The following SH3RF3 variants were observed in gnomAD, a reference collection of about 807,000 sequenced individuals.
SH3RF3 encodes E3 ubiquitin-protein ligase SH3RF3.
A neutral mutation model predicts 66.3 loss-of-function variants in SH3RF3; 29 were observed. That is an observed-to-expected ratio of 0.44 (90% CI 0.33 to 0.60). The LOEUF (loss-of-function observed/expected upper bound fraction) is 0.60. Ranked by LOEUF, SH3RF3 falls within the 20% of genes least tolerant of loss-of-function variation. The probability of loss-of-function intolerance (pLI) is 0.04; values close to 1 mark genes in which losing one functional copy is unlikely to be tolerated. For missense variants in SH3RF3, 1,194 were observed against 1,190.9 expected (o/e 1.00, Z -0.04); for synonymous variants, 583 against 532.0 (o/e 1.10, Z -1.32).
chr2:109,255,136 CTG>C (rs1052394814), intron 1 of SH3RF3, among the ~76,000 whole-genome samples: 1 of 152,058 alleles, frequency 6.6e-6, no homozygotes, highest in African/African-American at 2.4e-5. Context: ...GTGTGTGTGT[CTG>C]TGTGTGTACA....
At chr2:109,460,033 A>T (rs1305852415) in intron 8 of SH3RF3, among the ~76,000 whole-genome samples, 1 of 152,228 alleles carries the variant, frequency 6.6e-6, no homozygotes, top group African/African-American at 2.4e-5. Flanking sequence ...TCAAAAGGTC[A>T]TTCTACATTC....
intron 1 of SH3RF3, among the ~76,000 whole-genome samples, chr2:109,291,263 A>T (rs1220757558): frequency 6.6e-6 from 1 of 151,614 alleles, no homozygotes; most frequent in Non-Finnish European, 1.5e-5. Flanking sequence ...TTGGGAGAAA[A>T]AGAAACAGAG....
chr2:109,311,469 C>T (rs1341457455), intron 1 of SH3RF3, among the ~76,000 whole-genome samples: 19 of 148,494 alleles, frequency 1.3e-4, no homozygotes, highest in African/African-American at 4.8e-4. Flanking sequence ...TCCTATTCAA[C>T]ATAGTGTTGG....
chr2:109,341,815 C>A (rs941260160), intron 1 of SH3RF3, among the ~76,000 whole-genome samples: 1 of 152,200 alleles, frequency 6.6e-6, no homozygotes, highest in African/African-American at 2.4e-5. Context: ...CACTTGCATT[C>A]TGTGGACAGA....
At chr2:109,215,083 C>A (rs1574508699) in intron 1 of SH3RF3, among the ~76,000 whole-genome samples, 1 of 152,274 alleles carries the variant, frequency 6.6e-6, no homozygotes, top group Admixed American at 6.5e-5. Flanking sequence ...AGCGTTAAAC[C>A]TTCAGTGGGA....
chr2:109,283,778 GCT>G (rs529673105), intron 1 of SH3RF3, among the ~76,000 whole-genome samples: 83 of 152,330 alleles, frequency 5.4e-4, no homozygotes, highest in African/African-American at 2.0e-3. Context: ...TTTGAACTTG[GCT>G]CTCTGCCTGG....
chr2:109,213,491 TGCAGGGAGCC>T (rs1679039730), intron 1 of SH3RF3, among the ~76,000 whole-genome samples: 1 of 152,172 alleles, frequency 6.6e-6, no homozygotes, highest in African/African-American at 2.4e-5. Flanking sequence ...CCCCAGGATC[TGCAGGGAGCC>T]TGGAGAAGGG....
intron 8 of SH3RF3, among the ~76,000 whole-genome samples, chr2:109,473,835 T>G (rs2104736265): frequency 6.6e-6 from 1 of 151,894 alleles, no homozygotes; most frequent in South Asian, 2.1e-4. Flanking sequence ...GGCTGTCTCT[T>G]TTTTGGGGTG....
At chr2:109,326,046 A>C (rs1682146269) in intron 1 of SH3RF3, among the ~76,000 whole-genome samples, 1 of 152,260 alleles carries the variant, frequency 6.6e-6, no homozygotes, top group Admixed American at 6.5e-5. Context: ...GGAGACCTAG[A>C]GGCCCTCCAG....
At chr2:109,216,784 A>G (rs1035921103) in intron 1 of SH3RF3, among the ~76,000 whole-genome samples, 12 of 152,250 alleles carry the variant, frequency 7.9e-5, no homozygotes, top group African/African-American at 2.9e-4. Flanking sequence ...TTGTGGCAAA[A>G]TATACATAAC....
chr2:109,325,286 A>G (rs1405862620), intron 1 of SH3RF3, among the ~76,000 whole-genome samples: 1 of 147,488 alleles, frequency 6.8e-6, no homozygotes, highest in African/African-American at 2.5e-5. Context: ...CCCAGGAGTC[A>G]TTGGATTTCA....
At chr2:109,205,393 G>C (rs967927583) in intron 1 of SH3RF3, among the ~76,000 whole-genome samples, 4 of 151,826 alleles carry the variant, frequency 2.6e-5, no homozygotes, top group African/African-American at 9.7e-5. Flanking sequence ...GCATCACCAT[G>C]CCTAGATAAT....
intron 1 of SH3RF3, among the ~76,000 whole-genome samples, chr2:109,297,636 C>T (rs1373242967): frequency 6.6e-6 from 1 of 151,782 alleles, no homozygotes; most frequent in African/African-American, 2.4e-5. Flanking sequence ...AGGCCAGCCC[C>T]ATCCCACCAG....
intron 7 of SH3RF3, among the ~76,000 whole-genome samples, chr2:109,438,963 T>C (rs530333245): frequency 3.9e-5 from 6 of 152,174 alleles, no homozygotes; most frequent in African/African-American, 1.4e-4. Flanking sequence ...AAAGGGTGAG[T>C]GGCCCCACTC....
chr2:109,502,191 C>T lies in SH3RF3; in HGVS notation c.*520C>T, dbSNP rs1025159957. ...GCTCAGCAGGGGTGTTTGTGAGGCC[C>T]TGGGGGTGCCCCGGAAGGGGCACCC... On this transcript the variant is annotated 3_prime_UTR_variant, in exon 10 of 10. Transcript: ENST00000309415. 2.7e-5 allele frequency: 4 copies of T among 149,350 alleles called. No individual in the cohort carries two copies. The highest frequency in any genetic ancestry group is 6.7e-5 in the Admixed American group (1 of 14,886). The allele number at this position is 149,350 out of a possible 1,614,324, so 9.3% of individuals were successfully genotyped here.
intron 3 of SH3RF3, among the ~76,000 whole-genome samples, chr2:109,372,061 C>G (rs1161817622): frequency 6.6e-6 from 1 of 152,242 alleles, no homozygotes; most frequent in Non-Finnish European, 1.5e-5. Flanking sequence ...AGAACCCGTC[C>G]CAAGGCAGCA....
chr2:109,188,781 T>C (rs1013141327), intron 1 of SH3RF3, among the ~76,000 whole-genome samples: 2 of 152,162 alleles, frequency 1.3e-5, no homozygotes, highest in Non-Finnish European at 2.9e-5. Flanking sequence ...CGTTACACTT[T>C]GGTTATTTAT....
In SH3RF3 at chr2:109,449,279, G is replaced by A. The variant is rs376657151; in HGVS notation, c.1938G>A (p.Ser646=). Residue 646 remains serine, a synonymous_variant, in exon 8 of 10, where the codon TCG becomes TCA. Coordinates refer to ENST00000309415, the MANE Select transcript of SH3RF3 (RefSeq NM_001099289.3). The part of the protein sequence containing the change: ...RLPATSLRPH[S]VVSPQHSHQP... The stretch of plus-strand genomic sequence containing the variant: ...CTGCCACCAGCCTCAGGCCCCACTC[G>A]GTGGTGTCCCCGCAGCACAGCCACC... 93 of 1,610,522 alleles carry A rather than the reference G, an allele frequency of 5.8e-5. No homozygotes were observed. The highest frequency in any genetic ancestry group is 4.2e-4 in the Admixed American group (25 of 59,554).
At chr2:109,429,747 C>T (rs1375411202) in intron 5 of SH3RF3, among the ~76,000 whole-genome samples, 5 of 152,190 alleles carry the variant, frequency 3.3e-5, no homozygotes, top group African/African-American at 4.8e-5. Context: ...GCTTTTGTGT[C>T]CGCAGCTGTG....
Sources: gnomAD v4.1 joint callset for allele counts (sites outside exome capture counted in the v4.1 genomes callset) on GRCh38, gnomAD v4.1.1 for gene constraint, MANE v1.5 for transcripts, NCBI Gene and HGNC (gene_info 2026-07-23, HGNC 2026-07-21) for gene names.